The following PARP11 variants were observed in gnomAD, a reference collection of about 807,000 sequenced individuals.
PARP11 encodes poly(ADP-ribose) polymerase family member 11.
In PARP11, 31 loss-of-function variants were observed where a neutral mutation model predicts 42.9. The observed-to-expected ratio is 0.72, with a 90% confidence interval of 0.54 to 0.98. The LOEUF (loss-of-function observed/expected upper bound fraction) is 0.98. Among genes scored for constraint, PARP11 ranks in the 50% least tolerant of loss-of-function variants. PARP11 has a pLI of 0.00. For synonymous variants in PARP11, 137 were observed against 127.3 expected, an observed-to-expected ratio of 1.08 and a Z score of -0.51; for missense variants, 365 against 413.1, an observed-to-expected ratio of 0.88 and a Z score of 1.01.
chr12:3,842,567 C>A, intron 1 of PARP11: 1 of 1,304,414 alleles, frequency 7.7e-7, no homozygotes, highest in Non-Finnish European at 1.1e-6. Flanking sequence ...TGGAATGTTT[C>A]TGAAGGCTTT....
rs112932403 is a variant in PARP11, at chr12:3,840,535, C to A, written c.19-10517G>T. ...CTCCAGTGAGCACAAAAATCTTAGC[C>A]GGACACCTTCACAGATCATAAGAAA... On this transcript the variant is annotated intron_variant, in intron 1 of 7. Coordinates refer to ENST00000228820, the MANE Select transcript of PARP11 (RefSeq NM_020367.6). The surrounding 1 kb of genome is among the most constrained non-coding windows in gnomAD (Gnocchi z 4.4). The A allele has an allele frequency of 1.4e-5, 23 of 1,606,614 alleles. No homozygotes were observed. In the Admixed American group the frequency reaches 2.7e-4, roughly 19 times the overall value.
chr12:3,833,261 G>C (rs1947685246), intron 1 of PARP11, among the ~76,000 whole-genome samples: 1 of 152,106 alleles, frequency 6.6e-6, no homozygotes, highest in Non-Finnish European at 1.5e-5. Flanking sequence ...AGAACTTCCA[G>C]AATGACAGAA....
At position 3,812,397 on chromosome 12, in the gene PARP11, C is replaced by T. The variant is rs1293268422; in HGVS notation, c.743G>A (p.Cys248Tyr). Residue 248 changes from cysteine (C) to tyrosine (Y), a missense_variant, in exon 8 of 8, where the codon TGC (cysteine) becomes TAC (tyrosine). Coordinates refer to ENST00000228820, the MANE Select transcript of PARP11 (RefSeq NM_020367.6). ...GTTCCCATGCTTTATGTCATCTTTG[C>T]AGAAACGACTGGAATAAGCAGCATC... ...ARDAAYSSRFCKDDIKHGNTF... is the reference protein window; with the variant it reads ...ARDAAYSSRFYKDDIKHGNTF... The T allele has an allele frequency of 1.2e-6, 2 of 1,613,880 alleles. No individual in the cohort carries two copies. Among genetic ancestry groups the T allele is most frequent in the African/African-American group, 2.7e-5 (2 of 74,918 alleles).
In PARP11 at chr12:3,811,979, T is replaced by C. The variant is rs1025988708; in HGVS notation, c.*144A>G. Reference sequence around the variant, plus strand: ...ACAAAAACCAACCTTGAAGTCAGTATGTCTTTTTATATGGAGGCCACTTTT... The same window carrying C: ...ACAAAAACCAACCTTGAAGTCAGTACGTCTTTTTATATGGAGGCCACTTTT... On this transcript the variant is annotated 3_prime_UTR_variant, in exon 8 of 8. Coordinates refer to ENST00000228820, the MANE Select transcript of PARP11 (RefSeq NM_020367.6). The C allele has an allele frequency of 3.3e-6, 2 of 611,544 alleles. No individual in the cohort carries two copies. Among genetic ancestry groups the C allele is most frequent in the East Asian group, 5.7e-5 (2 of 34,808 alleles). 37.9% of individuals were successfully genotyped at this position (611,544 alleles called of 1,614,324 possible).
rs763604589 is a variant in PARP11, at chr12:3,826,279, TAC to T, written c.269-48_269-47del. 7.4e-6 allele frequency: 10 copies of T among 1,351,558 alleles called. No homozygotes were observed. The East Asian group carries it at 2.4e-4, about 32-fold the overall frequency. The allele number at this position is 1,351,558 out of a possible 1,614,324, so 83.7% of individuals were successfully genotyped here. A position where few individuals can be genotyped will look rare whatever the true frequency, so the allele number is the denominator to read the frequency against. ...TTAGATAAGTCATAAAAGTACACTG[TAC>T]TATAAAGTGTCATGAAGATTAATAG... is the stretch of plus-strand genomic sequence containing the variant. On this transcript the variant is annotated intron_variant, in intron 3 of 7. Coordinates refer to ENST00000228820, the MANE Select transcript of PARP11 (RefSeq NM_020367.6).
chr12:3,872,239 C>T (rs1396659548), intron 1 of PARP11, among the ~76,000 whole-genome samples: 1 of 152,132 alleles, frequency 6.6e-6, no homozygotes, highest in East Asian at 1.9e-4. Flanking sequence ...TGTCCAGTCA[C>T]ATTTTTACAC....
intron 1 of PARP11, chr12:3,841,233 G>A: frequency 6.9e-7 from 1 of 1,457,348 alleles, no homozygotes; most frequent in Non-Finnish European, 9.6e-7. Flanking sequence ...CACTGTGTCA[G>A]ACTGGGGAGG....
intron 1 of PARP11, among the ~76,000 whole-genome samples, chr12:3,854,131 A>C (rs1364386920): frequency 6.6e-6 from 1 of 152,248 alleles, no homozygotes; most frequent in Non-Finnish European, 1.5e-5. Context: ...GACACATTTA[A>C]AGTAGTGTGT....
chr12:3,865,976 TC>T (rs976866952), intron 1 of PARP11, among the ~76,000 whole-genome samples: 1 of 151,984 alleles, frequency 6.6e-6, no homozygotes, highest in African/African-American at 2.4e-5. Flanking sequence ...TCATCTTGTC[TC>T]CTTTGGTGGC....
intron 1 of PARP11, among the ~76,000 whole-genome samples, chr12:3,844,780 A>G (rs1947965714): frequency 6.6e-6 from 1 of 152,204 alleles, no homozygotes; most frequent in Admixed American, 6.5e-5. Context: ...CCTCCGGAAT[A>G]AAAGAACTGA....
chr12:3,839,947 G>T (rs1456800338), intron 1 of PARP11: 23 of 1,234,238 alleles, frequency 1.9e-5, no homozygotes, highest in Non-Finnish European at 2.6e-5. Context: ...AACTGCTGTT[G>T]CTGCTGCTGA....
In PARP11 at chr12:3,828,993, T is replaced by A; in HGVS notation, c.185A>T (p.Asp62Val). The A allele has an allele frequency of 6.2e-7, 1 of 1,614,030 alleles. No individual in the cohort carries two copies. The highest frequency in any genetic ancestry group is 8.5e-7 in the Non-Finnish European group (1 of 1,179,908). ...TNSQCSVSSE[D>V]IEKSFKTNPC... ...GTTTGTTTTGAAGCTTTTTTCGATA[T>A]CTTCACTGCTAACTGAACACTGACT... Residue 62 changes from aspartate to valine, a missense_variant, in exon 3 of 8, where the codon GAT becomes GTT. By Grantham distance (152) the Asp-to-Val change is radical. Coordinates refer to ENST00000228820, the MANE Select transcript of PARP11 (RefSeq NM_020367.6).
chr12:3,826,178 G>A lies in PARP11; in HGVS notation c.324C>T (p.Pro108=), dbSNP rs1947518567. The A allele has an allele frequency of 1.9e-6, 3 of 1,596,168 alleles. No individual in the cohort carries two copies. The highest frequency in any genetic ancestry group is 2.3e-5 in the South Asian group (2 of 87,780). Residue 108 remains proline (P), a synonymous_variant, in exon 4 of 8, where the codon CCC becomes CCT. Transcript: ENST00000228820. ...TGKQRLIKRA[P]FSISAFSYIC... ...CATACCTGAAAGCACTGATAGAAAAGGGGGCTCTTTTTATTAAGCGCTGCT... is the reference window on the plus strand; with the variant it reads ...CATACCTGAAAGCACTGATAGAAAAAGGGGCTCTTTTTATTAAGCGCTGCT...
Position 3,816,919 on chromosome 12 carries a change from C to T in PARP11, c.549-2731G>A, listed in dbSNP as rs564825437. On this transcript the variant is annotated intron_variant, in intron 6 of 7. Coordinates refer to ENST00000228820, the MANE Select transcript of PARP11 (RefSeq NM_020367.6). ...TCCATCTCAAAAAGAAGGCCAGGCG[C>T]AGAGGCTCACGCCTGTAATTCCAGC... Among the ~76,000 whole-genome samples the T allele has an allele frequency of 5.5e-4, 83 of 152,228 alleles. No individual in the cohort carries two copies. The South Asian group carries it at 0.017, about 31-fold the overall frequency.
intron 1 of PARP11, among the ~76,000 whole-genome samples, chr12:3,870,474 T>C (rs1004460545): frequency 6.6e-5 from 10 of 152,208 alleles, no homozygotes; most frequent in Admixed American, 1.3e-4. Context: ...ACAAATCAAG[T>C]ATATAAGACA....
At chr12:3,871,182 G>A (rs1948471171) in intron 1 of PARP11, among the ~76,000 whole-genome samples, 1 of 152,158 alleles carries the variant, frequency 6.6e-6, no homozygotes, top group Non-Finnish European at 1.5e-5. Context: ...AGAAATGAGA[G>A]GGGAAGAATA....
chr12:3,818,418 G>A (rs1398961189), intron 6 of PARP11, among the ~76,000 whole-genome samples: 1 of 152,150 alleles, frequency 6.6e-6, no homozygotes, highest in African/African-American at 2.4e-5. Flanking sequence ...TATGTTCTCA[G>A]AATTTCATCT....
chr12:3,855,490 C>T (rs890576191), intron 1 of PARP11, among the ~76,000 whole-genome samples: 16 of 152,048 alleles, frequency 1.1e-4, no homozygotes, highest in South Asian at 4.1e-4. Context: ...ACACCAATAA[C>T]AGAGAGCCAA....
intron 1 of PARP11, among the ~76,000 whole-genome samples, chr12:3,854,649 C>T (rs189756143): frequency 2.3e-3 from 351 of 152,166 alleles, no homozygotes; most frequent in Non-Finnish European, 3.8e-3. Context: ...AATTAATAGC[C>T]TACCAACCAA....
Sources: gnomAD v4.1 joint callset for allele counts (sites outside exome capture counted in the v4.1 genomes callset) on GRCh38, gnomAD v4.1.1 for gene constraint, Gnocchi (gnomAD v3.1) non-coding constraint, MANE v1.5 for transcripts, NCBI Gene and HGNC (gene_info 2026-07-23, HGNC 2026-07-21) for gene names.